Variants in RMND5A observed in about 807,000 individuals in gnomAD.
RMND5A encodes the protein required for meiotic nuclear division 5 homolog A.
RMND5A carries 17 observed loss-of-function variants against 49.7 expected under a neutral mutation model. The observed-to-expected ratio is 0.34, with a 90% CI of 0.23 to 0.51. The LOEUF is 0.51. Among genes scored for constraint, RMND5A ranks in the 20% least tolerant of loss-of-function variants. RMND5A has a pLI of 0.96. For missense variants in RMND5A, 255 were observed against 471.3 expected, an observed-to-expected ratio of 0.54 and a Z score of 4.25; for synonymous variants, 156 against 167.7, an observed-to-expected ratio of 0.93 and a Z score of 0.54.
rs1292646665 is a variant in RMND5A, at chr2:86,777,745, A to G, written c.*4334A>G. On this transcript the variant is annotated 3_prime_UTR_variant, in exon 9 of 9. Coordinates refer to ENST00000283632, the MANE Select transcript of RMND5A (RefSeq NM_022780.4). The stretch of plus-strand genomic sequence containing the variant: ...TGTATCCTGTTTGCAAAGGCACAGT[A>G]AAGTTGCATCTTATAGACTATAGGC... 3 of 152,242 alleles carry G rather than the reference A, an allele frequency of 2.0e-5. No homozygotes were observed. The highest frequency in any genetic ancestry group is 1.5e-5 in the Non-Finnish European group (1 of 68,040). The allele number at this position is 152,242 out of a possible 1,614,324, so 9.4% of individuals were successfully genotyped here.
At chr2:86,760,208 C>G (rs981299072) in intron 4 of RMND5A, among the ~76,000 whole-genome samples, 2 of 152,138 alleles carry the variant, frequency 1.3e-5, no homozygotes, top group African/African-American at 4.8e-5. Flanking sequence ...CCACACCCGA[C>G]TAATTTTGTA....
intron 1 of RMND5A, among the ~76,000 whole-genome samples, chr2:86,728,062 TA>T (rs1487906727): frequency 1.2e-5 from 1 of 85,642 alleles, no homozygotes; most frequent in Non-Finnish European, 2.3e-5. Context: ...GTGTGTTATT[TA>T]TGATGAGTTT....
rs1174380702 is a variant in RMND5A, at chr2:86,776,625, G to C, written c.*3214G>C. 6.6e-6 allele frequency: 1 copy of C among 152,140 alleles called. No homozygotes were observed. The highest frequency in any genetic ancestry group is 1.5e-5 in the Non-Finnish European group (1 of 68,044). The allele number at this position is 152,140 out of a possible 1,614,324, so 9.4% of individuals were successfully genotyped here. On this transcript the variant is annotated 3_prime_UTR_variant, in exon 9 of 9. Coordinates refer to ENST00000283632, the MANE Select transcript of RMND5A (RefSeq NM_022780.4). ...ATACTGCAACAGCCAAGAACTCTTG[G>C]TTATCCGCACAAGCTGCTGGTAGAC...
chr2:86,755,563 G>A (rs966748247), intron 4 of RMND5A, among the ~76,000 whole-genome samples: 1 of 152,192 alleles, frequency 6.6e-6, no homozygotes, highest in African/African-American at 2.4e-5. Context: ...TTGTTCATAT[G>A]TGCTAGTCAT....
intron 6 of RMND5A, among the ~76,000 whole-genome samples, chr2:86,766,490 C>A (rs1312190444): frequency 6.6e-6 from 1 of 151,916 alleles, no homozygotes; most frequent in Non-Finnish European, 1.5e-5. Context: ...ATAGTGAAAC[C>A]CGCCTCTACT....
intron 6 of RMND5A, among the ~76,000 whole-genome samples, chr2:86,769,143 A>C (rs1333962607): frequency 6.6e-6 from 1 of 152,072 alleles, no homozygotes. Flanking sequence ...CGGGGGTCTC[A>C]CTGTGTTTCC....
intron 2 of RMND5A, among the ~76,000 whole-genome samples, chr2:86,749,650 A>G (rs1177400545): frequency 6.6e-6 from 1 of 152,176 alleles, no homozygotes; most frequent in Non-Finnish European, 1.5e-5. Context: ...TCGGCCTCCC[A>G]AAGTGCTGGG....
At chr2:86,726,062 A>C (rs560283880) in intron 1 of RMND5A, among the ~76,000 whole-genome samples, 1 of 78,432 alleles carries the variant, frequency 1.3e-5, no homozygotes, top group East Asian at 1.2e-3. Flanking sequence ...AAACATGAAA[A>C]ACAAAAAAAG....
chr2:86,765,418 G>A, intron 5 of RMND5A: 1 of 431,792 alleles, frequency 2.3e-6, no homozygotes, highest in Non-Finnish European at 4.1e-6. Flanking sequence ...AAACTTAGAG[G>A]AGATGTGAGA....
chr2:86,753,307 A>C (rs1681669442), intron 3 of RMND5A, 151 bp from the exon 4 acceptor site: 2 of 501,764 alleles, frequency 4.0e-6, no homozygotes, highest in Admixed American at 7.3e-5. Flanking sequence ...AAAGAGGGGA[A>C]GAATGTACTA....
rs1192052594 is a variant in RMND5A, at chr2:86,768,069, A to G, written c.855-1954A>G. On this transcript the variant is annotated intron_variant, in intron 6 of 8. Coordinates refer to ENST00000283632, the MANE Select transcript of RMND5A (RefSeq NM_022780.4). The stretch of plus-strand genomic sequence containing the variant: ...GAAACTGTAGTTATTTTTTTATAAG[A>G]ATGTTTGCAATAATGGCATGGTATT... Among the ~76,000 whole-genome samples the G allele has an allele frequency of 2.0e-5, 3 of 152,154 alleles. No individual in the cohort carries two copies. The South Asian group carries it at 6.2e-4, about 32-fold the overall frequency.
chr2:86,742,247 G>A (rs1488836952), intron 2 of RMND5A, among the ~76,000 whole-genome samples: 2 of 148,532 alleles, frequency 1.3e-5, no homozygotes, highest in African/African-American at 5.0e-5. Flanking sequence ...TTTGGCAGCA[G>A]CAGGGTTCCA....
At chr2:86,768,448 C>T (rs1188731145) in intron 6 of RMND5A, among the ~76,000 whole-genome samples, 1 of 152,192 alleles carries the variant, frequency 6.6e-6, no homozygotes, top group Non-Finnish European at 1.5e-5. Context: ...ATCAAGTTCT[C>T]TGAGGAAGAC....
rs1672731965 is a variant in RMND5A, at chr2:86,774,405, A to G, written c.*994A>G. 6.6e-6 allele frequency: 1 copy of G among 152,558 alleles called. No individual in the cohort carries two copies. Among genetic ancestry groups the G allele is most frequent in the Non-Finnish European group, 1.5e-5 (1 of 68,022 alleles). The allele number at this position is 152,558 out of a possible 1,614,324, so 9.5% of individuals were successfully genotyped here. On this transcript the variant is annotated 3_prime_UTR_variant, in exon 9 of 9. Transcript: ENST00000283632. The stretch of plus-strand genomic sequence containing the variant: ...AATCCTTAAAGTTAGAAGCTAGCAA[A>G]TTTTCTGTAGTGCAGAACGTTTATT...
At chr2:86,721,639 G>A (rs1425712054) in intron 1 of RMND5A, among the ~76,000 whole-genome samples, 1 of 151,962 alleles carries the variant, frequency 6.6e-6, no homozygotes, top group South Asian at 2.1e-4. Flanking sequence ...AAGCCCTGAG[G>A]ACAGGTACTT....
At chr2:86,764,828 C>G (rs1672563536) in intron 4 of RMND5A, among the ~76,000 whole-genome samples, 199 bp from the exon 5 acceptor site, 1 of 152,218 alleles carries the variant, frequency 6.6e-6, no homozygotes, top group Non-Finnish European at 1.5e-5. Context: ...TTTTCTTTCA[C>G]TGGCTGAAGG....
chr2:86,767,608 G>C (rs1367532242), intron 6 of RMND5A, among the ~76,000 whole-genome samples: 1 of 152,152 alleles, frequency 6.6e-6, no homozygotes, highest in Non-Finnish European at 1.5e-5. Flanking sequence ...AAGCAAGCCT[G>C]TCACATTTGA....
chr2:86,772,668 C>T (rs1207166903), intron 8 of RMND5A, among the ~76,000 whole-genome samples: 2 of 151,380 alleles, frequency 1.3e-5, no homozygotes, highest in East Asian at 2.0e-4. Flanking sequence ...TGTCTCAGCT[C>T]ACTGCAACCT....
chr2:86,732,317 C>G (rs1573428864), intron 1 of RMND5A, among the ~76,000 whole-genome samples: 1 of 150,458 alleles, frequency 6.6e-6, no homozygotes, highest in East Asian at 1.9e-4. Flanking sequence ...GAACCCCCTC[C>G]CCCCATATCA....
Sources: allele counts gnomAD v4.1 joint callset (sites outside exome capture counted in the v4.1 genomes callset), GRCh38; gene constraint gnomAD v4.1.1; transcripts MANE v1.5; gene names NCBI Gene and HGNC (gene_info 2026-07-23, HGNC 2026-07-21).